The following GLRA3 variants were observed in gnomAD, a reference collection of about 807,000 sequenced individuals.
The protein encoded by GLRA3 is glycine receptor subunit alpha-3.
In GLRA3, 44 loss-of-function variants were observed where a neutral mutation model predicts 60.4. That is an observed-to-expected ratio of 0.73 (90% CI 0.57 to 0.94). The LOEUF (loss-of-function observed/expected upper bound fraction) is 0.94, where lower values mean the gene tolerates loss of function less well. GLRA3 is among the 40% of genes least tolerant of loss of function. The pLI, the probability that GLRA3 is intolerant of heterozygous loss-of-function variation, is 0.00. For synonymous variants in GLRA3, 223 were observed against 192.9 expected (o/e 1.16, Z -1.29); for missense variants, 508 against 564.6 (o/e 0.90, Z 1.02).
chr4:174,691,357 CTGTT>C (rs541932640), intron 5 of GLRA3, among the ~76,000 whole-genome samples: 15 of 152,104 alleles, frequency 9.9e-5, no homozygotes, highest in Admixed American at 2.6e-4. Flanking sequence ...TGAAAAGTGT[CTGTT>C]TGTCCCCTCT....
At chr4:174,664,981 A>G (rs2110910100) in intron 7 of GLRA3, among the ~76,000 whole-genome samples, 1 of 152,306 alleles carries the variant, frequency 6.6e-6, no homozygotes, top group African/African-American at 2.4e-5. Flanking sequence ...ATACAATAAA[A>G]GCAAACACAT....
At chr4:174,789,030 C>T in intron 1 of GLRA3, 87 bp from the exon 2 acceptor site, 1 of 818,594 alleles carries the variant, frequency 1.2e-6, no homozygotes. Context: ...AAATGCTGAG[C>T]TAAATATCTT....
intron 3 of GLRA3, among the ~76,000 whole-genome samples, chr4:174,736,696 T>C (rs907059490): frequency 2.6e-5 from 4 of 152,172 alleles, no homozygotes; most frequent in Admixed American, 6.5e-5. Flanking sequence ...GAATTATGTA[T>C]GTAAGGTGAT....
Position 174,749,113 on chromosome 4 carries a change from C to T in GLRA3, c.267+17850G>A, listed in dbSNP as rs78248202. ...AATTATCTAGTAATAATTATAATTG[C>T]GGCTCAGTGACTGCTATTGTTTCTC... On this transcript the variant is annotated intron_variant, in intron 3 of 9. Coordinates refer to ENST00000274093, the MANE Select transcript of GLRA3 (RefSeq NM_006529.4). Among the ~76,000 whole-genome samples the T allele has an allele frequency of 9.3e-3, 1,416 of 152,130 alleles. 21 individuals are homozygous for T. Among genetic ancestry groups the T allele is most frequent in the African/African-American group, 0.032 (1,340 of 41,496 alleles).
intron 1 of GLRA3, among the ~76,000 whole-genome samples, chr4:174,801,858 A>G (rs1318424959): frequency 6.6e-6 from 1 of 152,040 alleles, no homozygotes; most frequent in Non-Finnish European, 1.5e-5. Context: ...TTTCCTTGGT[A>G]GCACTTGTTG....
chr4:174,715,663 T>G (rs1264631522), intron 4 of GLRA3, 93 bp from the exon 5 acceptor site: 2 of 593,806 alleles, frequency 3.4e-6, no homozygotes, highest in Non-Finnish European at 6.0e-6. Flanking sequence ...TGCTGGTGAC[T>G]AACTCAGATT....
intron 3 of GLRA3, among the ~76,000 whole-genome samples, chr4:174,735,813 C>T (rs924621853): frequency 1.3e-4 from 20 of 152,166 alleles, no homozygotes; most frequent in Non-Finnish European, 8.8e-5. Flanking sequence ...ATGCCCACGT[C>T]AGCCTCCCAA....
At chr4:174,679,323 A>AAAAAC (rs1376294992) in intron 6 of GLRA3, among the ~76,000 whole-genome samples, 5 of 152,122 alleles carry the variant, frequency 3.3e-5, no homozygotes, top group Admixed American at 6.6e-5. Context: ...TCCAACTCAA[A>AAAAAC]AAAACAAAAC....
intron 5 of GLRA3, among the ~76,000 whole-genome samples, chr4:174,705,026 G>A (rs1735463350): frequency 7.0e-6 from 1 of 143,882 alleles, no homozygotes; most frequent in African/African-American, 2.5e-5. Context: ...ACATTGTGAA[G>A]ATACCAAATA....
intron 3 of GLRA3, among the ~76,000 whole-genome samples, chr4:174,760,793 G>A (rs1737912006): frequency 6.6e-6 from 1 of 152,080 alleles, no homozygotes. Flanking sequence ...ATGCAGAGAT[G>A]ATCTGTAGTA....
At chr4:174,718,718 T>C (rs1736018137) in intron 4 of GLRA3, among the ~76,000 whole-genome samples, 2 of 152,210 alleles carry the variant, frequency 1.3e-5, no homozygotes, top group South Asian at 4.1e-4. Flanking sequence ...ATATTATCTG[T>C]AATATCATAT....
At chr4:174,686,701 TC>T (rs1734565747) in intron 5 of GLRA3, among the ~76,000 whole-genome samples, 2 of 152,168 alleles carry the variant, frequency 1.3e-5, no homozygotes, top group African/African-American at 4.8e-5. Context: ...TTGAGCTGGA[TC>T]TTGAAAACAA....
At chr4:174,810,414 C>T (rs575786567) in intron 1 of GLRA3, among the ~76,000 whole-genome samples, 1 of 151,576 alleles carries the variant, frequency 6.6e-6, no homozygotes, top group African/African-American at 2.4e-5. Context: ...GTATTAATCC[C>T]CTAATTGGAA....
intron 1 of GLRA3, 110 bp from the exon 2 acceptor site, chr4:174,789,053 A>T (rs957839045): frequency 9.3e-6 from 6 of 646,592 alleles, no homozygotes; most frequent in Non-Finnish European, 1.0e-5. Context: ...GCAACAAAAC[A>T]TAAACCTTTA....
intron 5 of GLRA3, among the ~76,000 whole-genome samples, chr4:174,711,507 T>G (rs932130990): frequency 9.2e-5 from 14 of 151,536 alleles, no homozygotes; most frequent in Non-Finnish European, 1.8e-4. Context: ...TGGCACCATC[T>G]TGGCTCACTG....
chr4:174,692,427 A>G (rs113400178), intron 5 of GLRA3, among the ~76,000 whole-genome samples: 61,113 of 147,100 alleles, frequency 0.42, 13,344 homozygotes, highest in Middle Eastern at 0.53. Flanking sequence ...CCACCACCCC[A>G]TCTGGGAGGT....
chr4:174,692,178 A>G (rs1734853031), intron 5 of GLRA3, among the ~76,000 whole-genome samples: 2 of 151,424 alleles, frequency 1.3e-5, no homozygotes, highest in African/African-American at 4.9e-5. Context: ...CTGGGAAGTG[A>G]GGAGCGTCTC....
At chr4:174,758,748 C>T (rs1173992537) in intron 3 of GLRA3, among the ~76,000 whole-genome samples, 1 of 152,094 alleles carries the variant, frequency 6.6e-6, no homozygotes, top group Non-Finnish European at 1.5e-5. Context: ...ATTCTCTGTA[C>T]TGCCTTTGCA....
chr4:174,815,663 G>A (rs1007670680), intron 1 of GLRA3, among the ~76,000 whole-genome samples: 2 of 152,144 alleles, frequency 1.3e-5, no homozygotes, highest in African/African-American at 4.8e-5. Flanking sequence ...TGAAACAACA[G>A]CCCAAGCTGT....
Sources: allele counts gnomAD v4.1 joint callset (sites outside exome capture counted in the v4.1 genomes callset), GRCh38; gene constraint gnomAD v4.1.1; transcripts MANE v1.5; gene names NCBI Gene and HGNC (gene_info 2026-07-23, HGNC 2026-07-21).